The following EFNA3 variants were observed in gnomAD, a reference collection of about 807,000 sequenced individuals.
EFNA3 encodes ephrin A3, also known as ephrin-A3.
In EFNA3, 15 loss-of-function variants were observed where a neutral mutation model predicts 25.0. That is an observed-to-expected ratio of 0.60 (90% CI 0.40 to 0.92). EFNA3 has a LOEUF of 0.92. Ranked by LOEUF, EFNA3 falls within the 40% of genes least tolerant of loss-of-function variation. The pLI, the probability that EFNA3 is intolerant of heterozygous loss-of-function variation, is 0.00. For synonymous variants in EFNA3, 153 were observed against 145.6 expected (o/e 1.05, Z -0.37); for missense variants, 298 against 323.8 (o/e 0.92, Z 0.61).
In EFNA3 at chr1:155,085,885, A is replaced by T. The variant is rs1056472950; in HGVS notation, c.451A>T (p.Thr151Ser). Reference protein sequence around the residue: ...GHEYYYISTPTHNLHWKCLRM... With the variant: ...GHEYYYISTPSHNLHWKCLRM... ...CCCGGTCTCCTCCCCAGCCACGCCC[A>T]CTCACAACCTGCACTGGAAGTGTCT... The change falls in exon 3 of 5, where the codon ACT becomes TCT. Residue 151 changes from threonine (T) to serine (S), a missense_variant. By Grantham distance (58) the Thr-to-Ser change is moderately conservative. Transcript: ENST00000368408. The surrounding 1 kb of genome is among the most constrained non-coding windows in gnomAD (Gnocchi z 4.4). The T allele has an allele frequency of 6.2e-7, 1 of 1,613,396 alleles. No homozygotes were observed.
intron 1 of EFNA3, among the ~76,000 whole-genome samples, chr1:155,082,579 A>G (rs1387957929): frequency 6.6e-6 from 1 of 152,178 alleles, no homozygotes; most frequent in Admixed American, 6.5e-5. Flanking sequence ...AGAGACCGAA[A>G]TAACGGGGTG....
At chr1:155,082,167 C>T (rs1048275336) in intron 1 of EFNA3, among the ~76,000 whole-genome samples, 1 of 152,130 alleles carries the variant, frequency 6.6e-6, no homozygotes, top group Non-Finnish European at 1.5e-5. Flanking sequence ...GGCGCGCGGA[C>T]CCCACGCCGC....
chr1:155,087,461 G>T lies in EFNA3; in HGVS notation c.*918G>T, dbSNP rs1193229057. 6.5e-6 allele frequency: 1 copy of T among 152,720 alleles called. No individual in the cohort carries two copies. The highest frequency in any genetic ancestry group is 6.5e-5 in the Admixed American group (1 of 15,268). The allele number at this position is 152,720 out of a possible 1,614,324, so 9.5% of individuals were successfully genotyped here. A position where few individuals can be genotyped will look rare whatever the true frequency, so the allele number is the denominator to read the frequency against. Reference sequence around the variant, plus strand: ...CTATGTGGTCCCACCTATCCTCCTGGGCCTTTTTCAAGTGCTTTGGCTGTG... The same window carrying T: ...CTATGTGGTCCCACCTATCCTCCTGTGCCTTTTTCAAGTGCTTTGGCTGTG... On this transcript the variant is annotated 3_prime_UTR_variant, in exon 5 of 5. Transcript: ENST00000368408.
chr1:155,081,587 T>C lies in EFNA3; in HGVS notation c.128+2518T>C, dbSNP rs1305638320. On this transcript the variant is annotated intron_variant, in intron 1 of 4. Coordinates refer to ENST00000368408, the MANE Select transcript of EFNA3 (RefSeq NM_004952.5). This position sits in a 1 kb window ranked among gnomAD's most constrained non-coding sequence, Gnocchi z 5.2. Reference sequence around the variant, plus strand: ...TATTGAGGCTCTACTACGTCCCTGATGGTCTTTCTCTGTGTTTTCTCCCAG... The same window carrying C: ...TATTGAGGCTCTACTACGTCCCTGACGGTCTTTCTCTGTGTTTTCTCCCAG... Among the ~76,000 whole-genome samples the C allele has an allele frequency of 6.6e-6, 1 of 152,202 alleles. No individual in the cohort carries two copies. Among genetic ancestry groups the C allele is most frequent in the East Asian group, 1.9e-4 (1 of 5,184 alleles).
In EFNA3 at chr1:155,078,877, T is replaced by G; in HGVS notation, c.-65T>G. On this transcript the variant is annotated 5_prime_UTR_variant, in exon 1 of 5. Transcript: ENST00000368408. ...GCCGACGGCGGCGGCAGCAGGGAGC[T>G]GGGAAGCGGAGAAGCCGGGAGCGCG... The G allele has an allele frequency of 7.5e-7, 1 of 1,325,568 alleles. No homozygotes were observed. Among genetic ancestry groups the G allele is most frequent in the Non-Finnish European group, 9.6e-7 (1 of 1,039,576 alleles). 82.1% of individuals were successfully genotyped at this position (1,325,568 alleles called of 1,614,324 possible). A position where few individuals can be genotyped will look rare whatever the true frequency, so the allele number is the denominator to read the frequency against.
rs1378671860 is a variant in EFNA3, at chr1:155,079,396, G to C, written c.128+327G>C. Among the ~76,000 whole-genome samples, 5 of 152,282 alleles carry C rather than the reference G, an allele frequency of 3.3e-5. No individual in the cohort carries two copies. In the East Asian group the frequency reaches 7.7e-4, roughly 24 times the overall value. On this transcript the variant is annotated intron_variant, in intron 1 of 4. Transcript: ENST00000368408. This position sits in a 1 kb window ranked among gnomAD's most constrained non-coding sequence, Gnocchi z 7.7. Reference sequence around the variant, plus strand: ...GTCCCACCAGTTGGGCTGGGGTTTGGGGGTAGCGCTGTGCTGGGGATAGGC... The same window carrying C: ...GTCCCACCAGTTGGGCTGGGGTTTGCGGGTAGCGCTGTGCTGGGGATAGGC...
rs1055500930 is a variant in EFNA3 at position 155,079,770 on chromosome 1, T to G, written c.128+701T>G. ...GAATGGCTCCAAGTGTGAGCGGGCG[T>G]GCGCGGCTGTCAGTGTGCGTGTGTG... On this transcript the variant is annotated intron_variant, in intron 1 of 4. Coordinates refer to ENST00000368408, the MANE Select transcript of EFNA3 (RefSeq NM_004952.5). The surrounding 1 kb of genome is among the most constrained non-coding windows in gnomAD (Gnocchi z 7.7). Among the ~76,000 whole-genome samples the G allele has an allele frequency of 6.6e-6, 1 of 151,742 alleles. No individual in the cohort carries two copies. The highest frequency in any genetic ancestry group is 1.5e-5 in the Non-Finnish European group (1 of 67,930).
Position 155,080,739 on chromosome 1 carries a change from G to A in EFNA3, c.128+1670G>A, listed in dbSNP as rs765860956. Among the ~76,000 whole-genome samples the A allele has an allele frequency of 3.3e-5, 5 of 152,218 alleles. No individual in the cohort carries two copies. The highest frequency in any genetic ancestry group is 5.9e-5 in the Non-Finnish European group (4 of 68,014). ...CTGGGCGCAGGTGAAAGCTCAGGGA[G>A]CGGGTGGGGGAGCCCGGGTTCCGGG... is the stretch of plus-strand genomic sequence containing the variant. On this transcript the variant is annotated intron_variant, in intron 1 of 4. Transcript: ENST00000368408. This position sits in a 1 kb window ranked among gnomAD's most constrained non-coding sequence, Gnocchi z 7.0.
rs1230566310 is a variant in EFNA3, at chr1:155,086,146, A to G, written c.527A>G (p.Lys176Arg). 2 of 1,613,254 alleles carry G rather than the reference A, an allele frequency of 1.2e-6. No homozygotes were observed. The highest frequency in any genetic ancestry group is 2.2e-5 in the South Asian group (2 of 91,060). ...CCCGCAGCATCGCACTCCGGGGAGA[A>G]GCCGGTCCCCACTCTCCCCCAGTTC... Reference protein sequence around the residue: ...CCASTSHSGEKPVPTLPQFTM... With the variant: ...CCASTSHSGERPVPTLPQFTM... The change falls in exon 4 of 5, where the codon AAG becomes AGG. Residue 176 changes from lysine (K) to arginine (R), a missense_variant. By Grantham distance (26) the Lys-to-Arg change is conservative (BLOSUM62 2). Coordinates refer to ENST00000368408, the MANE Select transcript of EFNA3 (RefSeq NM_004952.5).
intron 1 of EFNA3, among the ~76,000 whole-genome samples, chr1:155,083,125 A>T (rs1663376840): frequency 6.6e-6 from 1 of 152,200 alleles, no homozygotes; most frequent in African/African-American, 2.4e-5. Flanking sequence ...TGTTGAGGAA[A>T]TGGAATTACC....
chr1:155,081,456 C>G lies in EFNA3; in HGVS notation c.128+2387C>G, dbSNP rs1663342206. ...AGGATGTTGGTATTTGCTCCGTTCT[C>G]AAGGAGCTTCGGGAACATCTTTCTA... On this transcript the variant is annotated intron_variant, in intron 1 of 4. Transcript: ENST00000368408. The surrounding 1 kb of genome is among the most constrained non-coding windows in gnomAD (Gnocchi z 5.2). 6.6e-6 allele frequency among the ~76,000 whole-genome samples: 1 copy of G among 152,248 alleles called. No homozygotes were observed. The highest frequency in any genetic ancestry group is 1.5e-5 in the Non-Finnish European group (1 of 68,036).
At chr1:155,083,811 G>A (rs937306816) in intron 1 of EFNA3, among the ~76,000 whole-genome samples, 4 of 152,182 alleles carry the variant, frequency 2.6e-5, no homozygotes, top group African/African-American at 9.7e-5. Context: ...CAGGGACTAG[G>A]GACCCCGTGG....
In EFNA3 at chr1:155,086,562, G is replaced by T. The variant is rs200136625; in HGVS notation, c.*19G>T. The T allele has an allele frequency of 5.7e-4, 919 of 1,612,224 alleles. 1 individual carries two copies. The highest frequency in any genetic ancestry group is 7.2e-4 in the Admixed American group (43 of 59,718). ...CTCCTAGCTCTGCCCCCTCCCCTGGGGGGGGAGAGATGGGGCGGGGCTTGG... is the reference window on the plus strand; with the variant it reads ...CTCCTAGCTCTGCCCCCTCCCCTGGTGGGGGAGAGATGGGGCGGGGCTTGG... On this transcript the variant is annotated 3_prime_UTR_variant, in exon 5 of 5. Transcript: ENST00000368408.
In EFNA3 at chr1:155,079,220, G is replaced by A. The variant is rs2102450353; in HGVS notation, c.128+151G>A. ...GACGGAGAGGGGGACGCACTCTGTG[G>A]GCGTCTAGGAAACTCGGGGGTGTCT... On this transcript the variant is annotated intron_variant, in intron 1 of 4. Transcript: ENST00000368408. The surrounding 1 kb of genome is among the most constrained non-coding windows in gnomAD (Gnocchi z 7.7). The A allele has an allele frequency of 1.0e-6, 1 of 962,768 alleles. No homozygotes were observed. The highest frequency in any genetic ancestry group is 1.4e-6 in the Non-Finnish European group (1 of 727,284). The allele number at this position is 962,768 out of a possible 1,614,324, so 59.6% of individuals were successfully genotyped here. A position where few individuals can be genotyped will look rare whatever the true frequency, so the allele number is the denominator to read the frequency against.
At position 155,087,169 on chromosome 1, in the gene EFNA3, C is replaced by G. The variant is rs1558146202; in HGVS notation, c.*626C>G. The G allele has an allele frequency of 6.5e-6, 1 of 153,850 alleles. No individual in the cohort carries two copies. The highest frequency in any genetic ancestry group is 2.4e-5 in the African/African-American group (1 of 41,422). The allele number at this position is 153,850 out of a possible 1,614,324, so 9.5% of individuals were successfully genotyped here. A position where few individuals can be genotyped will look rare whatever the true frequency, so the allele number is the denominator to read the frequency against. On this transcript the variant is annotated 3_prime_UTR_variant, in exon 5 of 5. Transcript: ENST00000368408. ...GGTGCCAGGCAGGCATGTACAGACT[C>G]TATATCTCTATATATAATGTACAGA...
At position 155,086,734 on chromosome 1, in the gene EFNA3, C is replaced by T. The variant is rs1002957029; in HGVS notation, c.*191C>T. ...ACGTAGGGCACTGTAGTGGACCAAG[C>T]ACGGGGACAGCCATGGGTCCCGGGC... is the stretch of plus-strand genomic sequence containing the variant. On this transcript the variant is annotated 3_prime_UTR_variant, in exon 5 of 5. Coordinates refer to ENST00000368408, the MANE Select transcript of EFNA3 (RefSeq NM_004952.5). 4 of 682,428 alleles carry T rather than the reference C, an allele frequency of 5.9e-6. No individual in the cohort carries two copies. Among genetic ancestry groups the T allele is most frequent in the Admixed American group, 3.2e-5 (1 of 31,246 alleles). 42.3% of individuals were successfully genotyped at this position (682,428 alleles called of 1,614,324 possible).
At position 155,086,116 on chromosome 1, in the gene EFNA3, C is replaced by T; in HGVS notation, c.509-12C>T. ...TCCCCTCCTCTCTCCCCACCCGCAC[C>T]CCACCCCGCAGCATCGCACTCCGGG... On this transcript the variant is annotated splice_polypyrimidine_tract_variant and intron_variant, in intron 3 of 4. Coordinates refer to ENST00000368408, the MANE Select transcript of EFNA3 (RefSeq NM_004952.5). The T allele has an allele frequency of 6.2e-7, 1 of 1,608,056 alleles. No homozygotes were observed. Among genetic ancestry groups the T allele is most frequent in the Non-Finnish European group, 8.5e-7 (1 of 1,175,740 alleles).
chr1:155,085,295 C>T lies in EFNA3; in HGVS notation c.333C>T (p.Asn111=), dbSNP rs1454647090. 1.9e-6 allele frequency: 3 copies of T among 1,613,032 alleles called. No individual in the cohort carries two copies. The highest frequency in any genetic ancestry group is 1.3e-5 in the African/African-American group (1 of 75,040). The stretch of plus-strand genomic sequence containing the variant: ...AGGGCTTCAAGCGCTGGGAGTGCAA[C>T]CGGCCGCACGCCCCGCACAGCCCCA... ...ASQGFKRWEC[N]RPHAPHSPIK... The change falls in exon 2 of 5, where the codon AAC becomes AAT. Residue 111 remains asparagine, a synonymous_variant. Transcript: ENST00000368408. The surrounding 1 kb of genome is among the most constrained non-coding windows in gnomAD (Gnocchi z 4.4).
At position 155,080,877 on chromosome 1, in the gene EFNA3, G is replaced by A. The variant is rs1160465889; in HGVS notation, c.128+1808G>A. ...CCCCCGCCTCGCTTCCCGGGCCTTT[G>A]TTGCCGCTGCGCCCGGGCTCCCCGG... On this transcript the variant is annotated intron_variant, in intron 1 of 4. Coordinates refer to ENST00000368408, the MANE Select transcript of EFNA3 (RefSeq NM_004952.5). This position sits in a 1 kb window ranked among gnomAD's most constrained non-coding sequence, Gnocchi z 7.0. 1.3e-5 allele frequency among the ~76,000 whole-genome samples: 2 copies of A among 152,158 alleles called. No individual in the cohort carries two copies. The highest frequency in any genetic ancestry group is 2.9e-5 in the Non-Finnish European group (2 of 67,994).
Sources: allele counts gnomAD v4.1 joint callset (sites outside exome capture counted in the v4.1 genomes callset), GRCh38; gene constraint gnomAD v4.1.1; non-coding constraint Gnocchi (gnomAD v3.1); transcripts MANE v1.5; gene names NCBI Gene and HGNC (gene_info 2026-07-23, HGNC 2026-07-21).